Variants in GPCPD1 observed in about 807,000 individuals in gnomAD.
GPCPD1 encodes the protein glycerophosphocholine phosphodiesterase GPCPD1.
GPCPD1 carries 29 observed loss-of-function variants against 89.2 expected under a neutral mutation model. That is an observed-to-expected ratio of 0.33 (90% confidence interval 0.24 to 0.44). The LOEUF is 0.44. GPCPD1 is among the 20% of genes least tolerant of loss of function. GPCPD1 has a pLI of 1.00. For synonymous variants in GPCPD1, 258 were observed against 266.3 expected (o/e 0.97, Z 0.30); for missense variants, 594 against 808.9 (o/e 0.73, Z 3.22).
At position 5,575,994 on chromosome 20, in the gene GPCPD1, TTAAAA is replaced by T; in HGVS notation, c.706-21_706-17del. 2.0e-6 allele frequency: 3 copies of T among 1,512,484 alleles called. No homozygotes were observed. The highest frequency in any genetic ancestry group is 2.7e-6 in the Non-Finnish European group (3 of 1,096,974). The allele number at this position is 1,512,484 out of a possible 1,614,324, so 93.7% of individuals were successfully genotyped here. A position where few individuals can be genotyped will look rare whatever the true frequency, so the allele number is the denominator to read the frequency against. ...TGAGATCTTCCTGAAAAAATGAGAT[TTAAAA>T]TAATCTTAATTTTTAAACTTCTACA... On this transcript the variant is annotated splice_polypyrimidine_tract_variant and intron_variant, in intron 8 of 19. Transcript: ENST00000379019.
intron 8 of GPCPD1, among the ~76,000 whole-genome samples, chr20:5,577,097 C>T (rs1978292433): frequency 7.5e-6 from 1 of 133,376 alleles, no homozygotes; most frequent in Admixed American, 8.1e-5. Flanking sequence ...TGGAGTCTTG[C>T]TCTGTCACTC....
At chr20:5,588,778 T>C (rs1325889781) in intron 4 of GPCPD1, among the ~76,000 whole-genome samples, 1 of 151,880 alleles carries the variant, frequency 6.6e-6, no homozygotes, top group African/African-American at 2.4e-5. Flanking sequence ...TGAGCTGAGA[T>C]TGCGCCACTG....
chr20:5,561,524 C>G lies in GPCPD1; in HGVS notation c.1336G>C (p.Glu446Gln), dbSNP rs1217705838. 1.3e-6 allele frequency: 2 copies of G among 1,589,780 alleles called. No homozygotes were observed. The highest frequency in any genetic ancestry group is 1.7e-5 in the Admixed American group (1 of 59,654). The stretch of plus-strand genomic sequence containing the variant: ...AACCCTACATCTTCTGGCAAAGACT[C>G]TAAAACCTACAGTTTTGTTTGTTGG... The part of the protein sequence containing the change: ...QPFPSLKMVL[E>Q]SLPEDVGFNI... The change falls in exon 16 of 20, where the codon GAG becomes CAG. Residue 446 changes from glutamate (E) to glutamine (Q), a missense_variant. Glu to Gln is a conservative substitution (Grantham distance 29). Coordinates refer to ENST00000379019, the MANE Select transcript of GPCPD1 (RefSeq NM_019593.5).
intron 2 of GPCPD1, among the ~76,000 whole-genome samples, chr20:5,601,583 G>A (rs1285573181): frequency 6.6e-6 from 1 of 151,798 alleles, no homozygotes; most frequent in East Asian, 1.9e-4. Context: ...TGGTCCAGTT[G>A]GTCTCAAACT....
In GPCPD1 at chr20:5,602,462, A is replaced by T. The variant is rs920695700; in HGVS notation, c.49+1902T>A. 7.2e-5 allele frequency among the ~76,000 whole-genome samples: 11 copies of T among 152,206 alleles called. 1 individual carries two copies. In the South Asian group the frequency reaches 2.3e-3, roughly 32 times the overall value. ...ACCCATCAGCTGACTAGCAATCTTC[A>T]ATCTGCTCAATTCTGCCCAGGGGTA... On this transcript the variant is annotated intron_variant, in intron 2 of 19. Transcript: ENST00000379019.
At chr20:5,574,037 A>T in intron 10 of GPCPD1, 68 bp from the exon 11 acceptor site, 1 of 889,168 alleles carries the variant, frequency 1.1e-6, no homozygotes, top group East Asian at 2.4e-5. Flanking sequence ...ATAAAGAAGC[A>T]AAGTGTACTT....
chr20:5,584,348 T>G (rs1978767085), intron 5 of GPCPD1, 26 bp from the exon 6 acceptor site: 1 of 1,108,630 alleles, frequency 9.0e-7, no homozygotes, highest in African/African-American at 1.5e-5. Flanking sequence ...AATAGAAAAT[T>G]TAGTTAAAAC....
chr20:5,581,067 C>A, intron 6 of GPCPD1, among the ~76,000 whole-genome samples: 2 of 152,086 alleles, frequency 1.3e-5, no homozygotes, highest in East Asian at 3.9e-4. Context: ...CAGGGTGTCA[C>A]CATGCTGGCC....
intron 19 of GPCPD1, among the ~76,000 whole-genome samples, chr20:5,549,663 G>A (rs1182688054): frequency 6.6e-6 from 1 of 150,778 alleles, no homozygotes; most frequent in African/African-American, 2.4e-5. Context: ...TGGGAGGACT[G>A]GAACTCAGGA....
chr20:5,549,027 T>G (rs1459742564), intron 19 of GPCPD1: 1 of 679,340 alleles, frequency 1.5e-6, no homozygotes, highest in East Asian at 3.8e-5. Context: ...ATCTCTAAGT[T>G]TGATCCTGTT....
At chr20:5,549,955 G>A (rs974207900) in intron 19 of GPCPD1, among the ~76,000 whole-genome samples, 1 of 152,076 alleles carries the variant, frequency 6.6e-6, no homozygotes, top group Non-Finnish European at 1.5e-5. Context: ...CACTTTGGGA[G>A]GACAAGAAAG....
chr20:5,573,990 TAACA>T (rs1258928281), intron 10 of GPCPD1, 21 bp from the exon 11 acceptor site: 1 of 1,165,416 alleles, frequency 8.6e-7, no homozygotes, highest in South Asian at 1.2e-5. Flanking sequence ...GAAATACAGT[TAACA>T]TAGACTATAG....
chr20:5,578,966 T>C lies in GPCPD1; in HGVS notation c.474-355A>G, dbSNP rs527637392. 8.5e-5 allele frequency among the ~76,000 whole-genome samples: 13 copies of C among 152,242 alleles called. No individual in the cohort carries two copies. The South Asian group carries it at 1.2e-3, about 15-fold the overall frequency. On this transcript the variant is annotated intron_variant, in intron 7 of 19. Coordinates refer to ENST00000379019, the MANE Select transcript of GPCPD1 (RefSeq NM_019593.5). ...ACTTTGGGAAGCTGACGCGGGAGGA[T>C]TGCTTGAGCTCAGAAGTCTGAGACC... is the stretch of plus-strand genomic sequence containing the variant.
rs773566572 is a variant in GPCPD1, at chr20:5,578,436, A to G, written c.649T>C (p.Tyr217His). 2 of 1,614,060 alleles carry G rather than the reference A, an allele frequency of 1.2e-6. No individual in the cohort carries two copies. Among genetic ancestry groups the G allele is most frequent in the Non-Finnish European group, 1.7e-6 (2 of 1,179,908 alleles). ...TCTGGTTCCATCGTCTGTATGCTGT[A>G]CTCTGTCCAACGATCAGGCTGCAAG... The part of the protein sequence containing the change: ...YGLQPDRWTE[Y>H]SIQTMEPDNL... The change falls in exon 8 of 20, where the codon TAC (tyrosine) becomes CAC (histidine). Residue 217 changes from tyrosine (Y) to histidine (H), a missense_variant. Physicochemically the swap from Tyr to His is moderately conservative, Grantham distance 83 (BLOSUM62 2). Transcript: ENST00000379019.
At chr20:5,555,501 TGCA>T (rs1985708064) in intron 19 of GPCPD1, among the ~76,000 whole-genome samples, 1 of 152,118 alleles carries the variant, frequency 6.6e-6, no homozygotes, top group Non-Finnish European at 1.5e-5. Context: ...ATTGTGCCAT[TGCA>T]CTGCAGCCTG....
intron 10 of GPCPD1, chr20:5,574,226 T>C: frequency 2.2e-6 from 1 of 449,022 alleles, no homozygotes; most frequent in South Asian, 2.9e-5. Context: ...TACCATGGAC[T>C]TTTTTCTTGG....
chr20:5,560,082 G>GA lies in GPCPD1; in HGVS notation c.1396-7dup. The GA allele has an allele frequency of 6.6e-7, 1 of 1,520,062 alleles. No individual in the cohort carries two copies. Among genetic ancestry groups the GA allele is most frequent in the Non-Finnish European group, 8.8e-7 (1 of 1,136,842 alleles). The allele number at this position is 1,520,062 out of a possible 1,614,324, so 94.2% of individuals were successfully genotyped here. On this transcript the variant is annotated splice_region_variant and splice_polypyrimidine_tract_variant and intron_variant, in intron 16 of 19. Coordinates refer to ENST00000379019, the MANE Select transcript of GPCPD1 (RefSeq NM_019593.5). ...TTACCATCCCACATTCCATCCTAGT[G>GA]AAAGAGAAAGCAAAATAAAAGTCAC... is the stretch of plus-strand genomic sequence containing the variant.
At chr20:5,607,192 C>T (rs6107658) in intron 1 of GPCPD1, among the ~76,000 whole-genome samples, 57,268 of 151,878 alleles carry the variant, frequency 0.38, 11,399 homozygotes, top group Non-Finnish European at 0.44. Context: ...GAGGTTGAGG[C>T]GGGAGAATCA....
intron 19 of GPCPD1, among the ~76,000 whole-genome samples, 180 bp downstream of exon 19, chr20:5,557,765 A>G (rs1418318790): frequency 6.6e-6 from 1 of 152,208 alleles, no homozygotes; most frequent in Non-Finnish European, 1.5e-5. Context: ...AATCCTTAAC[A>G]AGCTTCCCAA....
Sources: gnomAD v4.1 joint callset for allele counts (sites outside exome capture counted in the v4.1 genomes callset) on GRCh38, gnomAD v4.1.1 for gene constraint, MANE v1.5 for transcripts, NCBI Gene and HGNC (gene_info 2026-07-23, HGNC 2026-07-21) for gene names.